Variants in SPATA6L observed in about 807,000 individuals in gnomAD.
SPATA6L encodes spermatogenesis associated 6 like.
Under a neutral mutation model 49.2 loss-of-function variants are expected in SPATA6L, and 68 were observed. That is an observed-to-expected ratio of 1.38 (90% confidence interval 1.14 to 1.69). The LOEUF (loss-of-function observed/expected upper bound fraction) is 1.69. Among genes scored for constraint, SPATA6L ranks in the 40% most tolerant of loss-of-function variants. The pLI, the probability that SPATA6L is intolerant of heterozygous loss-of-function variation, is 0.00. For synonymous variants in SPATA6L, 198 were observed against 165.7 expected (o/e 1.19, Z -1.50); for missense variants, 668 against 464.3 (o/e 1.44, Z -4.03).
At chr9:4,631,336 T>A (rs1167420446) in intron 4 of SPATA6L, among the ~76,000 whole-genome samples, 5 of 152,104 alleles carry the variant, frequency 3.3e-5, no homozygotes, top group Non-Finnish European at 7.4e-5. Flanking sequence ...TATGCTCACT[T>A]TACAAAGTCA....
At chr9:4,626,435 C>T (rs905704614) in intron 5 of SPATA6L, 5 of 1,304,300 alleles carry the variant, frequency 3.8e-6, no homozygotes, top group Non-Finnish European at 5.1e-6. Flanking sequence ...CCTTCGAATT[C>T]CTGAAGAAGC....
intron 7 of SPATA6L, among the ~76,000 whole-genome samples, chr9:4,622,146 A>G (rs1829453251): frequency 6.6e-6 from 1 of 152,206 alleles, no homozygotes; most frequent in Admixed American, 6.5e-5. Flanking sequence ...CGGAACAGCC[A>G]GGGGACAACT....
intron 9 of SPATA6L, among the ~76,000 whole-genome samples, chr9:4,609,239 C>T (rs868494504): frequency 0.032 from 4,856 of 150,346 alleles, 256 homozygotes; most frequent in African/African-American, 0.11. Context: ...TGGTACCATT[C>T]CTTCTGAAAC....
intron 3 of SPATA6L, among the ~76,000 whole-genome samples, chr9:4,654,184 C>T (rs1005578976): frequency 2.0e-5 from 3 of 152,184 alleles, no homozygotes; most frequent in African/African-American, 7.2e-5. Flanking sequence ...AAATGGAACC[C>T]TCATACATTG....
At chr9:4,632,034 C>CTTT (rs905629115) in intron 4 of SPATA6L, among the ~76,000 whole-genome samples, 1,246 of 112,956 alleles carry the variant, frequency 0.011, 65 homozygotes, top group African/African-American at 0.035. Flanking sequence ...ACATCAGCTA[C>CTTT]TTTTTTTTTT....
At chr9:4,634,901 G>C (rs1832465804) in intron 4 of SPATA6L, among the ~76,000 whole-genome samples, 1 of 152,128 alleles carries the variant, frequency 6.6e-6, no homozygotes, top group Admixed American at 6.6e-5. Flanking sequence ...GAATTGTTGG[G>C]AGAAAAATAT....
Position 4,599,966 on chromosome 9 carries a change from T to TG in SPATA6L, c.*844_*845insC, listed in dbSNP as rs1400881116. On this transcript the variant is annotated 3_prime_UTR_variant, in exon 12 of 12. Coordinates refer to ENST00000682582, the MANE Select transcript of SPATA6L (RefSeq NM_001353486.2). Reference sequence around the variant, plus strand: ...AGACAAATGTGCCTCTAGTCTCCCTTTATCCCAGCCCCTTCCTATTCCTGC... The same window carrying TG: ...AGACAAATGTGCCTCTAGTCTCCCTTGTATCCCAGCCCCTTCCTATTCCTGC... Among the ~76,000 whole-genome samples the TG allele has an allele frequency of 2.0e-5, 3 of 152,310 alleles. No individual in the cohort carries two copies. Among genetic ancestry groups the TG allele is most frequent in the African/African-American group, 7.2e-5 (3 of 41,560 alleles).
chr9:4,643,340 T>A (rs529825244), intron 3 of SPATA6L, among the ~76,000 whole-genome samples: 69 of 152,302 alleles, frequency 4.5e-4, no homozygotes, highest in African/African-American at 1.6e-3. Context: ...GTATCCAGCA[T>A]TAACTAGGAT....
Position 4,617,919 on chromosome 9 carries a change from T to C in SPATA6L, c.995+4A>G. The C allele has an allele frequency of 6.2e-7, 1 of 1,603,208 alleles. No individual in the cohort carries two copies. The highest frequency in any genetic ancestry group is 8.5e-7 in the Non-Finnish European group (1 of 1,173,652). On this transcript the variant is annotated splice_donor_region_variant and intron_variant, in intron 9 of 11. Transcript: ENST00000682582. Reference sequence around the variant, plus strand: ...AGGCAAACAGATGGGTGCTTGCCACTGACCTTTCTCTGAGAAGGGGCTGAT... The same window carrying C: ...AGGCAAACAGATGGGTGCTTGCCACCGACCTTTCTCTGAGAAGGGGCTGAT...
chr9:4,628,148 C>CA (rs200412437), intron 5 of SPATA6L: 874 of 148,566 alleles, frequency 5.9e-3, no homozygotes, highest in Middle Eastern at 0.018. Context: ...TTAAAGGGCA[C>CA]AAAAAAAAAA....
intron 7 of SPATA6L, among the ~76,000 whole-genome samples, chr9:4,620,302 T>A (rs778606862): frequency 2.6e-5 from 4 of 152,022 alleles, no homozygotes; most frequent in Non-Finnish European, 4.4e-5. Context: ...CCTCATAACC[T>A]CCTTCCTCCT....
chr9:4,602,307 C>T lies in SPATA6L; in HGVS notation c.*2-1498G>A, dbSNP rs370916476. ...TTCCGTATAACCACCTAAATAATTG[C>T]CTAGACGGCAATTATTTTGGTAACC... is the stretch of plus-strand genomic sequence containing the variant. On this transcript the variant is annotated intron_variant, in intron 11 of 11. Coordinates refer to ENST00000682582, the MANE Select transcript of SPATA6L (RefSeq NM_001353486.2). 1.8e-3 allele frequency among the ~76,000 whole-genome samples: 274 copies of T among 152,092 alleles called. 1 individual carries two copies. Among genetic ancestry groups the T allele is most frequent in the Middle Eastern group, 6.8e-3 (2 of 294 alleles).
chr9:4,592,752 T>C (rs1821990481), intron 13 of SPATA6L, among the ~76,000 whole-genome samples: 1 of 152,214 alleles, frequency 6.6e-6, no homozygotes, highest in Non-Finnish European at 1.5e-5. Flanking sequence ...ATATAGTAGC[T>C]CTTACGTTGT....
chr9:4,619,105 T>C (rs1322046184), intron 7 of SPATA6L, among the ~76,000 whole-genome samples: 1 of 151,952 alleles, frequency 6.6e-6, no homozygotes, highest in Admixed American at 6.6e-5. Flanking sequence ...GTTTTTTGCT[T>C]TGTTTTGTTT....
chr9:4,637,736 A>C (rs1833093850), intron 3 of SPATA6L, among the ~76,000 whole-genome samples: 1 of 149,844 alleles, frequency 6.7e-6, no homozygotes, highest in Non-Finnish European at 1.5e-5. Flanking sequence ...CTGTAGAACA[A>C]CACTTGGGAC....
intron 2 of SPATA6L, among the ~76,000 whole-genome samples, chr9:4,660,213 CA>C (rs1230615775): frequency 6.6e-6 from 1 of 152,064 alleles, no homozygotes; most frequent in Non-Finnish European, 1.5e-5. Flanking sequence ...TTCTGCACAG[CA>C]AAAGAAACTA....
At chr9:4,621,552 A>T (rs1470674677) in intron 7 of SPATA6L, among the ~76,000 whole-genome samples, 1 of 151,970 alleles carries the variant, frequency 6.6e-6, no homozygotes, top group African/African-American at 2.4e-5. Flanking sequence ...GCAATGGCAC[A>T]ATCTCAGCTC....
intron 3 of SPATA6L, among the ~76,000 whole-genome samples, chr9:4,645,222 C>G (rs301465): frequency 5.9e-5 from 9 of 151,548 alleles, no homozygotes; most frequent in Non-Finnish European, 1.2e-4. Context: ...CCCAGGTATA[C>G]ACACAGAAGA....
At chr9:4,642,009 C>G (rs1214855929) in intron 3 of SPATA6L, among the ~76,000 whole-genome samples, 3 of 152,200 alleles carry the variant, frequency 2.0e-5, no homozygotes, top group Non-Finnish European at 2.9e-5. Context: ...CTCAAGCAAT[C>G]CACCCACCTT....
Sources: gnomAD v4.1 joint callset for allele counts (sites outside exome capture counted in the v4.1 genomes callset) on GRCh38, gnomAD v4.1.1 for gene constraint, MANE v1.5 for transcripts, NCBI Gene and HGNC (gene_info 2026-07-23, HGNC 2026-07-21) for gene names.